Variants in FRAS1 observed in about 807,000 individuals in gnomAD.
FRAS1 encodes the protein Fraser extracellular matrix complex subunit 1, also known as extracellular matrix organizing protein FRAS1.
A neutral mutation model predicts 435.2 loss-of-function variants in FRAS1; 290 were observed. The observed-to-expected ratio is 0.67, with a 90% CI of 0.61 to 0.73. The LOEUF (loss-of-function observed/expected upper bound fraction) is 0.73, where lower values mean the gene tolerates loss of function less well. FRAS1 is among the 30% of genes least tolerant of loss of function. The pLI is 0.00. For missense variants in FRAS1, 4,860 were observed against 5,001.5 expected, an observed-to-expected ratio of 0.97 and a Z score of 0.85; for synonymous variants, 1,800 against 1,851.0, an observed-to-expected ratio of 0.97 and a Z score of 0.71.
Position 78,537,134 on chromosome 4 carries a change from C to T in FRAS1, c.11232C>T (p.Tyr3744=). 6.2e-7 allele frequency: 1 copy of T among 1,614,000 alleles called. No homozygotes were observed. Among genetic ancestry groups the T allele is most frequent in the Non-Finnish European group, 8.5e-7 (1 of 1,179,884 alleles). Residue 3744 remains tyrosine, a synonymous_variant, in exon 72 of 74, where the codon TAC becomes TAT. Transcript: ENST00000512123. ...TCTTTGATCCCACGGGGACAATCTA[C>T]AATGAAGGGCCCCAGTATGGATGCA... ...VPFFDPTGTI[Y]NEGPQYGCIQ... is the part of the protein sequence containing the mutation.
At chr4:78,198,524 T>G (rs1157693546) in intron 2 of FRAS1, among the ~76,000 whole-genome samples, 1 of 151,804 alleles carries the variant, frequency 6.6e-6, no homozygotes. Flanking sequence ...TGTAGGAACT[T>G]GATAGGTCAG....
intron 41 of FRAS1, among the ~76,000 whole-genome samples, chr4:78,445,012 T>G (rs1358048935): frequency 6.6e-6 from 1 of 152,214 alleles, no homozygotes; most frequent in Non-Finnish European, 1.5e-5. Flanking sequence ...CAAATGTTTC[T>G]TCGATTAAAA....
chr4:78,363,304 G>T (rs1220181514), intron 20 of FRAS1, among the ~76,000 whole-genome samples: 1 of 152,176 alleles, frequency 6.6e-6, no homozygotes, highest in African/African-American at 2.4e-5. Context: ...CAATCACTGT[G>T]CTGGGCCTGG....
intron 35 of FRAS1, among the ~76,000 whole-genome samples, chr4:78,426,504 T>C (rs1352548116): frequency 1.3e-5 from 2 of 152,154 alleles, no homozygotes; most frequent in Admixed American, 1.3e-4. Context: ...GAATTTTAAA[T>C]TGGACAGTTA....
intron 29 of FRAS1, among the ~76,000 whole-genome samples, chr4:78,396,427 T>C (rs1340106968): frequency 6.6e-6 from 1 of 152,232 alleles, no homozygotes; most frequent in Non-Finnish European, 1.5e-5. Flanking sequence ...ACTTTAGTGG[T>C]AACAAACTCC....
intron 45 of FRAS1, among the ~76,000 whole-genome samples, chr4:78,451,008 C>T (rs1719001784): frequency 6.6e-6 from 1 of 152,152 alleles, no homozygotes; most frequent in Admixed American, 6.5e-5. Context: ...CGCCCACACA[C>T]TAACACCTAA....
intron 32 of FRAS1, among the ~76,000 whole-genome samples, chr4:78,418,554 T>C (rs11941464): frequency 0.24 from 36,602 of 151,824 alleles, 4,743 homozygotes; most frequent in African/African-American, 0.32. Flanking sequence ...TTAAAGAAAA[T>C]AAAAAGTTAG....
At chr4:78,485,816 C>T (rs1720152741) in intron 58 of FRAS1, among the ~76,000 whole-genome samples, 1 of 152,218 alleles carries the variant, frequency 6.6e-6, no homozygotes, top group Non-Finnish European at 1.5e-5. Flanking sequence ...ACTACGCTGA[C>T]TCTTCACATT....
intron 20 of FRAS1, among the ~76,000 whole-genome samples, chr4:78,346,722 C>T (rs1383019735): frequency 2.0e-5 from 3 of 152,064 alleles, no homozygotes; most frequent in African/African-American, 4.8e-5. Context: ...CAAACCTCAT[C>T]TTTTCTCCTC....
At chr4:78,504,257 G>A (rs1325962277) in intron 61 of FRAS1, among the ~76,000 whole-genome samples, 1 of 152,182 alleles carries the variant, frequency 6.6e-6, no homozygotes, top group Non-Finnish European at 1.5e-5. Flanking sequence ...CTAAGTTCAA[G>A]TCCTGGATAT....
chr4:78,472,505 T>C (rs1719740892), intron 52 of FRAS1, among the ~76,000 whole-genome samples, 175 bp downstream of exon 52: 1 of 152,230 alleles, frequency 6.6e-6, no homozygotes, highest in Admixed American at 6.5e-5. Flanking sequence ...CTGATTTTTT[T>C]CCCTGTGATG....
chr4:78,313,414 A>C (rs1045402325), intron 15 of FRAS1, among the ~76,000 whole-genome samples: 1 of 152,182 alleles, frequency 6.6e-6, no homozygotes, highest in Non-Finnish European at 1.5e-5. Context: ...ATTTTTCAGG[A>C]GGTTAGCAGG....
chr4:78,137,151 A>G (rs1315423779), intron 2 of FRAS1, among the ~76,000 whole-genome samples: 1 of 152,224 alleles, frequency 6.6e-6, no homozygotes, highest in Non-Finnish European at 1.5e-5. Flanking sequence ...GGGCTGGGCA[A>G]TACTTACATG....
chr4:78,115,312 A>C (rs1578133004), intron 2 of FRAS1, among the ~76,000 whole-genome samples: 2 of 152,112 alleles, frequency 1.3e-5, no homozygotes, highest in South Asian at 4.1e-4. Context: ...TGTCTCTGCC[A>C]GGCTTTGGTA....
chr4:78,464,680 A>G, intron 49 of FRAS1, 97 bp downstream of exon 49: 1 of 1,366,462 alleles, frequency 7.3e-7, no homozygotes, highest in Non-Finnish European at 1.0e-6. Flanking sequence ...GGTAGGGAGG[A>G]GCTGTAAGGT....
chr4:78,059,871 AG>A (rs1739674914), intron 1 of FRAS1, among the ~76,000 whole-genome samples: 1 of 43,218 alleles, frequency 2.3e-5, no homozygotes, highest in Non-Finnish European at 4.3e-5. Context: ...AAGCACAGAA[AG>A]CTGGGGGTAG....
chr4:78,499,967 G>A (rs372523854), intron 61 of FRAS1, 46 bp downstream of exon 61: 37 of 1,365,076 alleles, frequency 2.7e-5, no homozygotes, highest in Middle Eastern at 1.9e-4. Flanking sequence ...TTAATAGAGG[G>A]GCAAAAATCT....
At chr4:78,308,841 C>G (rs567765233) in intron 15 of FRAS1, among the ~76,000 whole-genome samples, 1 of 152,324 alleles carries the variant, frequency 6.6e-6, no homozygotes, top group East Asian at 1.9e-4. Context: ...TCAATTCCCA[C>G]TTGTGAAACG....
At chr4:78,509,941 T>G (rs969622227) in intron 63 of FRAS1, among the ~76,000 whole-genome samples, 2 of 152,214 alleles carry the variant, frequency 1.3e-5, no homozygotes, top group Non-Finnish European at 2.9e-5. Context: ...CCCACTGTAA[T>G]AAGAGCTTCA....
Sources: allele counts gnomAD v4.1 joint callset (sites outside exome capture counted in the v4.1 genomes callset), GRCh38; gene constraint gnomAD v4.1.1; transcripts MANE v1.5; gene names NCBI Gene and HGNC (gene_info 2026-07-23, HGNC 2026-07-21).